The following SRGAP3 variants were observed in gnomAD, a reference collection of about 807,000 sequenced individuals.
The protein encoded by SRGAP3 is SLIT-ROBO Rho GTPase activating protein 3, also known as SLIT-ROBO Rho GTPase-activating protein 3.
SRGAP3 carries 39 observed loss-of-function variants against 121.1 expected under a neutral mutation model. The ratio of observed to expected loss-of-function variants is 0.32; its 90% CI spans 0.25 to 0.42. SRGAP3 has a LOEUF of 0.42. Ranked by LOEUF, SRGAP3 falls within the 10% of genes least tolerant of loss-of-function variation. SRGAP3 has a pLI of 1.00. For missense variants in SRGAP3, 1,213 were observed against 1,470.6 expected (o/e 0.82, Z 2.86); for synonymous variants, 601 against 570.0 (o/e 1.05, Z -0.77).
intron 4 of SRGAP3, among the ~76,000 whole-genome samples, chr3:9,066,745 C>T (rs546356382): frequency 1.2e-4 from 18 of 152,306 alleles, no homozygotes; most frequent in African/African-American, 1.9e-4. Context: ...GTGATCCTCC[C>T]GCCTTGACCT....
chr3:9,339,160 G>A (rs1245139966), intron 1 of SRGAP3, among the ~76,000 whole-genome samples: 3 of 152,066 alleles, frequency 2.0e-5, no homozygotes, highest in South Asian at 2.1e-4. Context: ...ATTCTGAACC[G>A]GTTACTTAAC....
At chr3:9,044,838 C>A (rs1033637955) in intron 10 of SRGAP3, among the ~76,000 whole-genome samples, 4 of 152,138 alleles carry the variant, frequency 2.6e-5, no homozygotes, top group Admixed American at 2.6e-4. Flanking sequence ...TCCCTTCTTC[C>A]TTCACCCAAT....
chr3:9,280,381 C>T (rs533252384), intron 3 of SRGAP3, among the ~76,000 whole-genome samples: 40 of 152,396 alleles, frequency 2.6e-4, no homozygotes, highest in Admixed American at 2.3e-3. Flanking sequence ...CCCCCACGCA[C>T]ACACCAGTTT....
At chr3:9,171,877 G>A (rs1360780602) in intron 1 of SRGAP3, among the ~76,000 whole-genome samples, 1 of 152,008 alleles carries the variant, frequency 6.6e-6, no homozygotes, top group Non-Finnish European at 1.5e-5. Context: ...CTTGTCGGTG[G>A]GGTTGGTTCC....
At chr3:9,151,395 G>A (rs1036833948) in intron 1 of SRGAP3, among the ~76,000 whole-genome samples, 3 of 152,212 alleles carry the variant, frequency 2.0e-5, no homozygotes, top group South Asian at 4.1e-4. Flanking sequence ...GCAGCCTGGA[G>A]CCAGACCAAG....
At chr3:9,128,617 G>A (rs750486777) in intron 1 of SRGAP3, among the ~76,000 whole-genome samples, 10 of 152,186 alleles carry the variant, frequency 6.6e-5, no homozygotes, top group Non-Finnish European at 1.0e-4. Flanking sequence ...AAAGAAATCA[G>A]TGCTTATGAT....
intron 1 of SRGAP3, among the ~76,000 whole-genome samples, chr3:9,131,433 C>CTTT (rs869155697): frequency 0.011 from 965 of 90,160 alleles, 13 homozygotes; most frequent in Non-Finnish European, 0.012. Context: ...AGATCTAATT[C>CTTT]TTTTTTTTTT....
chr3:9,321,066 C>T (rs1212249661), intron 3 of SRGAP3, among the ~76,000 whole-genome samples: 1 of 151,870 alleles, frequency 6.6e-6, no homozygotes, highest in African/African-American at 2.4e-5. Context: ...GCCTCTCACT[C>T]TCCTGAGATG....
chr3:9,320,544 T>C (rs9821738), intron 3 of SRGAP3, among the ~76,000 whole-genome samples: 84,153 of 151,634 alleles, frequency 0.55, 25,702 homozygotes, highest in East Asian at 0.83. Context: ...CCCCCTTTGC[T>C]TTCCGCCATG....
At chr3:9,066,669 T>G (rs1474647919) in intron 4 of SRGAP3, among the ~76,000 whole-genome samples, 2 of 152,070 alleles carry the variant, frequency 1.3e-5, no homozygotes, top group African/African-American at 4.8e-5. Flanking sequence ...CCGGCTAATG[T>G]TTATATTTTA....
At chr3:9,185,455 C>A (rs1252602485) in intron 1 of SRGAP3, among the ~76,000 whole-genome samples, 1 of 152,112 alleles carries the variant, frequency 6.6e-6, no homozygotes, top group Non-Finnish European at 1.5e-5. Context: ...GGAGGCATAT[C>A]AATGGCACCC....
chr3:9,221,233 T>C (rs1323219822), intron 1 of SRGAP3, among the ~76,000 whole-genome samples: 2 of 152,200 alleles, frequency 1.3e-5, no homozygotes, highest in African/African-American at 4.8e-5. Context: ...CATTTCCCAC[T>C]GCTTTCTAAA....
intron 1 of SRGAP3, among the ~76,000 whole-genome samples, chr3:9,154,747 C>T (rs1950347530): frequency 1.3e-5 from 2 of 152,150 alleles, no homozygotes; most frequent in South Asian, 4.1e-4. Flanking sequence ...AAAGTCAGGA[C>T]ATTCCACATA....
intron 1 of SRGAP3, chr3:9,192,741 G>C (rs1951792769): frequency 6.6e-6 from 1 of 152,116 alleles, no homozygotes. Flanking sequence ...GGTAGTTTTG[G>C]GACCCCCATC....
At position 9,053,106 on chromosome 3, in the gene SRGAP3, G is replaced by A; in HGVS notation, c.1244C>T (p.Ala415Val). The change falls in exon 9 of 22, where the codon GCC becomes GTC. Residue 415 changes from alanine (A) to valine (V), a missense_variant. Coordinates refer to ENST00000383836, the MANE Select transcript of SRGAP3 (RefSeq NM_014850.4). The stretch of plus-strand genomic sequence containing the variant: ...GATCTTGCTCATGTAGGTCTCAGAG[G>A]CAGCCGACTTGACGGACTCTGTCGA... ...SRSTESVKSA[A>V]SETYMSKINI... 2 of 1,614,160 alleles carry A rather than the reference G, an allele frequency of 1.2e-6. No homozygotes were observed. Among genetic ancestry groups the A allele is most frequent in the Non-Finnish European group, 1.7e-6 (2 of 1,180,040 alleles).
intron 1 of SRGAP3, among the ~76,000 whole-genome samples, chr3:9,139,877 A>C (rs1949788933): frequency 6.6e-6 from 1 of 152,180 alleles, no homozygotes; most frequent in Admixed American, 6.5e-5. Context: ...TCATGAAGCA[A>C]GATTTGCATG....
intron 18 of SRGAP3, chr3:9,006,864 T>C (rs1943105466): frequency 6.6e-6 from 1 of 151,916 alleles, no homozygotes; most frequent in African/African-American, 2.4e-5. Context: ...TTTCTTTATA[T>C]AACTCTTGGA....
intron 3 of SRGAP3, among the ~76,000 whole-genome samples, chr3:9,315,343 C>A (rs942302411): frequency 1.3e-5 from 2 of 152,230 alleles, no homozygotes; most frequent in Non-Finnish European, 2.9e-5. Context: ...ATGGCTGGAC[C>A]ACAACCCCCT....
intron 4 of SRGAP3, among the ~76,000 whole-genome samples, chr3:9,075,068 C>A (rs563484652): frequency 3.0e-4 from 45 of 152,320 alleles, no homozygotes; most frequent in Middle Eastern, 3.4e-3. Context: ...AAAATCTGAA[C>A]ACATTTTTAG....
Sources: allele counts gnomAD v4.1 joint callset (sites outside exome capture counted in the v4.1 genomes callset), GRCh38; gene constraint gnomAD v4.1.1; transcripts MANE v1.5; gene names NCBI Gene and HGNC (gene_info 2026-07-23, HGNC 2026-07-21).